Variants in NTRK2 observed in about 807,000 individuals in gnomAD.
NTRK2 encodes the protein BDNF/NT-3 growth factors receptor.
NTRK2 carries 13 observed loss-of-function variants against 94.5 expected under a neutral mutation model. The observed-to-expected ratio is 0.14, with a 90% CI of 0.09 to 0.22. The LOEUF (loss-of-function observed/expected upper bound fraction) is 0.22, where lower values mean the gene tolerates loss of function less well. Among genes scored for constraint, NTRK2 ranks in the 10% least tolerant of loss-of-function variants. NTRK2 has a pLI of 1.00. For missense variants in NTRK2, 639 were observed against 1,071.2 expected, an observed-to-expected ratio of 0.60 and a Z score of 5.63; for synonymous variants, 372 against 407.4, an observed-to-expected ratio of 0.91 and a Z score of 1.05.
chr9:84,947,192 G>A (rs1317456790), intron 15 of NTRK2, among the ~76,000 whole-genome samples: 1 of 152,102 alleles, frequency 6.6e-6, no homozygotes, highest in Non-Finnish European at 1.5e-5. Context: ...CTGACCTTGG[G>A]TGATCTGCCC....
At chr9:84,824,835 C>T (rs1220235798) in intron 12 of NTRK2, among the ~76,000 whole-genome samples, 1 of 152,044 alleles carries the variant, frequency 6.6e-6, no homozygotes, top group Non-Finnish European at 1.5e-5. Context: ...GAGCTTAAAG[C>T]TATTCATGGT....
At chr9:84,824,991 G>GTTTT (rs111282369) in intron 12 of NTRK2, among the ~76,000 whole-genome samples, 1 of 142,782 alleles carries the variant, frequency 7.0e-6, no homozygotes. Context: ...AAAAAGATCA[G>GTTTT]TTTTTTTTTT....
intron 18 of NTRK2, 78 bp from the exon 19 acceptor site, chr9:85,021,174 G>C: frequency 7.8e-7 from 1 of 1,281,730 alleles, no homozygotes; most frequent in Non-Finnish European, 1.1e-6. Context: ...CCTCTCTTCT[G>C]CTGTTTTTTT....
intron 12 of NTRK2, among the ~76,000 whole-genome samples, chr9:84,802,120 A>G (rs2070536761): frequency 6.6e-6 from 1 of 152,204 alleles, no homozygotes; most frequent in African/African-American, 2.4e-5. Context: ...TCTTAAAATA[A>G]TGTCAGATGT....
At chr9:84,824,238 A>G (rs1196772282) in intron 12 of NTRK2, among the ~76,000 whole-genome samples, 3 of 152,320 alleles carry the variant, frequency 2.0e-5, no homozygotes, top group African/African-American at 4.8e-5. Context: ...GGCTGTTGGC[A>G]CTGCAGGGCA....
At chr9:84,677,616 G>T (rs2059140078) in intron 2 of NTRK2, among the ~76,000 whole-genome samples, 2 of 152,134 alleles carry the variant, frequency 1.3e-5, no homozygotes, top group African/African-American at 4.8e-5. Flanking sequence ...GGGCCCCTTG[G>T]TAAAGCAGAG....
intron 8 of NTRK2, among the ~76,000 whole-genome samples, chr9:84,727,037 A>G (rs2062513167): frequency 6.6e-6 from 1 of 152,206 alleles, no homozygotes; most frequent in Admixed American, 6.5e-5. Flanking sequence ...AATGGACAAC[A>G]CTATCATGAA....
chr9:84,755,392 A>G (rs1026411030), intron 12 of NTRK2, among the ~76,000 whole-genome samples: 4 of 152,166 alleles, frequency 2.6e-5, no homozygotes, highest in African/African-American at 9.7e-5. Context: ...ATGATCAGAG[A>G]AGATTTTCAA....
rs1379584510 is a variant in NTRK2 at position 84,996,743 on chromosome 9, G to T, written c.2173-23463G>T. Among the ~76,000 whole-genome samples, 10 of 152,296 alleles carry T rather than the reference G, an allele frequency of 6.6e-5. No individual in the cohort carries two copies. The South Asian group carries it at 2.1e-3, about 32-fold the overall frequency. On this transcript the variant is annotated intron_variant, in intron 17 of 18. Transcript: ENST00000277120. ...AGTCTGCCATCTATATCATAATATTGTATACAGAGGAGATGAAAAGAAAGA... is the reference window on the plus strand; with the variant it reads ...AGTCTGCCATCTATATCATAATATTTTATACAGAGGAGATGAAAAGAAAGA...
intron 17 of NTRK2, among the ~76,000 whole-genome samples, chr9:84,958,313 C>T (rs1393088627): frequency 6.6e-6 from 1 of 152,014 alleles, no homozygotes; most frequent in Non-Finnish European, 1.5e-5. Flanking sequence ...AAACAGTGAC[C>T]ATCATTATGA....
chr9:84,749,104 T>G (rs1200593505), intron 11 of NTRK2, among the ~76,000 whole-genome samples: 1 of 152,134 alleles, frequency 6.6e-6, no homozygotes, highest in East Asian at 1.9e-4. Context: ...GGCACATGCC[T>G]ATAATCCCAG....
intron 5 of NTRK2, among the ~76,000 whole-genome samples, chr9:84,708,242 A>C (rs771669544): frequency 1.3e-5 from 2 of 152,196 alleles, no homozygotes; most frequent in Non-Finnish European, 2.9e-5. Context: ...TATGCTTTAT[A>C]TCTCACAGCT....
intron 14 of NTRK2, among the ~76,000 whole-genome samples, chr9:84,905,542 A>T (rs1332796208): frequency 6.6e-6 from 1 of 152,190 alleles, no homozygotes; most frequent in Admixed American, 6.5e-5. Context: ...TTAGAAATTA[A>T]AATCAAATGA....
At chr9:84,898,411 C>T (rs1444615298) in intron 14 of NTRK2, among the ~76,000 whole-genome samples, 1 of 152,202 alleles carries the variant, frequency 6.6e-6, no homozygotes, top group Non-Finnish European at 1.5e-5. Flanking sequence ...TATGTACATA[C>T]TCAGACTTGA....
intron 12 of NTRK2, among the ~76,000 whole-genome samples, chr9:84,800,450 C>G (rs921357440): frequency 6.6e-6 from 1 of 152,202 alleles, no homozygotes; most frequent in African/African-American, 2.4e-5. Context: ...ATCTGCCTGC[C>G]TCGGCCTCCC....
chr9:84,755,090 T>C (rs889215848), intron 12 of NTRK2, among the ~76,000 whole-genome samples: 2 of 152,178 alleles, frequency 1.3e-5, no homozygotes, highest in African/African-American at 4.8e-5. Flanking sequence ...ATGGTATTGC[T>C]CCCATGGGGA....
intron 17 of NTRK2, among the ~76,000 whole-genome samples, chr9:84,969,018 T>C (rs1825885832): frequency 6.6e-6 from 1 of 152,218 alleles, no homozygotes; most frequent in Non-Finnish European, 1.5e-5. Context: ...GTTTTCTTCA[T>C]GTCTCCTGAA....
At chr9:84,847,741 G>C (rs1051719093) in intron 12 of NTRK2, among the ~76,000 whole-genome samples, 1 of 152,110 alleles carries the variant, frequency 6.6e-6, no homozygotes, top group African/African-American at 2.4e-5. Flanking sequence ...TGAGCCATTG[G>C]TTCCACCTTG....
chr9:85,025,930 GT>G lies in NTRK2; in HGVS notation c.*4495del, dbSNP rs1433240770. On this transcript the variant is annotated 3_prime_UTR_variant, in exon 19 of 19. Transcript: ENST00000277120. ...GAATGAGGGGTGGGAGGGATTTATA[GT>G]TAGAAACGACAGTGCAGGAAGGGGT... is the stretch of plus-strand genomic sequence containing the variant. The G allele has an allele frequency of 4.3e-5, 10 of 232,242 alleles. No individual in the cohort carries two copies. Among genetic ancestry groups the G allele is most frequent in the African/African-American group, 2.2e-4 (10 of 45,290 alleles). The allele number at this position is 232,242 out of a possible 1,614,324, so 14.4% of individuals were successfully genotyped here.
Sources: gnomAD v4.1 joint callset for allele counts (sites outside exome capture counted in the v4.1 genomes callset) on GRCh38, gnomAD v4.1.1 for gene constraint, MANE v1.5 for transcripts, NCBI Gene and HGNC (gene_info 2026-07-23, HGNC 2026-07-21) for gene names.